The following MMUT variants were observed in gnomAD, a reference collection of about 807,000 sequenced individuals.
The protein encoded by MMUT is methylmalonyl-CoA mutase, mitochondrial.
In MMUT, 79 loss-of-function variants were observed where a neutral mutation model predicts 79.9. That is an observed-to-expected ratio of 0.99 (90% CI 0.82 to 1.19). The LOEUF (loss-of-function observed/expected upper bound fraction) is 1.19, where lower values mean the gene tolerates loss of function less well. MMUT is among the 50% of genes most tolerant of loss of function. The pLI, the probability that MMUT is intolerant of heterozygous loss-of-function variation, is 0.00. For missense variants in MMUT, 860 were observed against 917.2 expected (o/e 0.94, Z 0.81); for synonymous variants, 273 against 295.7 (o/e 0.92, Z 0.79).
At chr6:49,454,095 G>A (rs752592589) in intron 4 of MMUT, among the ~76,000 whole-genome samples, 85 of 152,278 alleles carry the variant, frequency 5.6e-4, no homozygotes, top group Non-Finnish European at 1.1e-3. Flanking sequence ...TAAGACAGGA[G>A]TCACCTATGA....
At position 49,459,319 on chromosome 6, in the gene MMUT, G is replaced by A; in HGVS notation, c.148C>T (p.Gln50Ter). Residue 50 changes from glutamine (Q) to a stop codon, truncating the protein, a stop_gained, in exon 2 of 13, where the codon CAG (glutamine) becomes TAG (stop). Coordinates refer to ENST00000274813, the MANE Select transcript of MMUT (RefSeq NM_000255.4). LOFTEE classifies it high-confidence loss of function. ...HPEWAALAKK[Q>*]LKGKNPEDLI... is the part of the protein sequence containing the mutation. The stretch of plus-strand genomic sequence containing the variant: ...TCTTCTGGGTTTTTGCCTTTCAGCT[G>A]CTTTTTAGCCAGGGCAGCCCATTCT... 6.2e-7 allele frequency: 1 copy of A among 1,614,142 alleles called. No homozygotes were observed. The highest frequency in any genetic ancestry group is 1.7e-4 in the Middle Eastern group (1 of 6,060).
chr6:49,431,518 T>G lies in MMUT; in HGVS notation c.*210A>C. 1 of 440,294 alleles carries G rather than the reference T, an allele frequency of 2.3e-6. No individual in the cohort carries two copies. The highest frequency in any genetic ancestry group is 4.1e-6 in the Non-Finnish European group (1 of 243,490). 27.3% of individuals were successfully genotyped at this position (440,294 alleles called of 1,614,324 possible). A position where few individuals can be genotyped will look rare whatever the true frequency, so the allele number is the denominator to read the frequency against. On this transcript the variant is annotated 3_prime_UTR_variant, in exon 13 of 13. Coordinates refer to ENST00000274813, the MANE Select transcript of MMUT (RefSeq NM_000255.4). ...TATTGTTATAGAGAGTATAGAGAGT[T>G]TTTAGGGATTTTTTTTTTATTTTTG...
intron 8 of MMUT, 27 bp downstream of exon 8, chr6:49,447,643 A>G: frequency 7.0e-7 from 1 of 1,428,212 alleles, no homozygotes; most frequent in Non-Finnish European, 9.8e-7. Context: ...ATACTTAAAA[A>G]AAAAAAAAAA....
intron 11 of MMUT, among the ~76,000 whole-genome samples, chr6:49,438,886 T>G (rs767125170): frequency 6.6e-6 from 1 of 152,146 alleles, no homozygotes; most frequent in Non-Finnish European, 1.5e-5. Flanking sequence ...CCCTTGAACA[T>G]TGGACTCCAA....
At chr6:49,454,838 G>T (rs1198087247) in intron 4 of MMUT, among the ~76,000 whole-genome samples, 2 of 152,136 alleles carry the variant, frequency 1.3e-5, no homozygotes, top group Non-Finnish European at 2.9e-5. Flanking sequence ...TTGAGCCCAG[G>T]AGTTTGATAC....
chr6:49,452,179 C>T (rs1449978179), intron 5 of MMUT, among the ~76,000 whole-genome samples: 13 of 152,050 alleles, frequency 8.5e-5, no homozygotes, highest in Non-Finnish European at 1.9e-4. Context: ...TTATTGCATG[C>T]CTAATTGTGA....
At chr6:49,438,044 A>G (rs949957670) in intron 11 of MMUT, among the ~76,000 whole-genome samples, 5 of 152,146 alleles carry the variant, frequency 3.3e-5, no homozygotes, top group Non-Finnish European at 7.3e-5. Context: ...AATAATTTAC[A>G]TAGTAAATTT....
chr6:49,435,651 C>A, intron 11 of MMUT, 28 bp from the exon 12 acceptor site: 2 of 1,603,032 alleles, frequency 1.2e-6, no homozygotes, highest in South Asian at 2.2e-5. Context: ...AAAGATAAAT[C>A]ATTGTTTATT....
chr6:49,457,659 A>AT, intron 3 of MMUT, 32 bp downstream of exon 3: 1 of 1,579,102 alleles, frequency 6.3e-7, no homozygotes, highest in Non-Finnish European at 8.6e-7. Context: ...TCAAGGAACT[A>AT]TAGAAAAACC....
intron 11 of MMUT, among the ~76,000 whole-genome samples, chr6:49,437,169 A>C (rs922730079): frequency 1.2e-4 from 18 of 152,208 alleles, no homozygotes; most frequent in Admixed American, 4.6e-4. Flanking sequence ...GAAACTTTTA[A>C]ATTTAATATT....
intron 4 of MMUT, among the ~76,000 whole-genome samples, chr6:49,455,571 T>C (rs763935647): frequency 2.6e-5 from 4 of 152,222 alleles, no homozygotes; most frequent in African/African-American, 9.7e-5. Flanking sequence ...GCTGTACTGA[T>C]TGAACCACCG....
chr6:49,458,895 C>T (rs1292259892), intron 2 of MMUT, among the ~76,000 whole-genome samples, 187 bp downstream of exon 2: 1 of 152,122 alleles, frequency 6.6e-6, no homozygotes, highest in Non-Finnish European at 1.5e-5. Flanking sequence ...AAAAATTTAG[C>T]ACCTTATTCT....
chr6:49,457,945 C>T lies in MMUT; in HGVS notation c.499G>A (p.Val167Met), dbSNP rs755709278. Residue 167 changes from valine to methionine, a missense_variant, in exon 3 of 13, where the codon GTG becomes ATG. Coordinates refer to ENST00000274813, the MANE Select transcript of MMUT (RefSeq NM_000255.4). ...TCAAAAAGAATTTTGGTATCTTCCA[C>T]AGTGTCAATAGCAACTCCAGCCATT... Reference protein sequence around the residue: ...VGMAGVAIDTVEDTKILFDGI... With the variant: ...VGMAGVAIDTMEDTKILFDGI... 11 of 1,612,426 alleles carry T rather than the reference C, an allele frequency of 6.8e-6. No individual in the cohort carries two copies. Among genetic ancestry groups the T allele is most frequent in the Middle Eastern group, 1.6e-4 (1 of 6,062 alleles).
At chr6:49,435,746 A>G (rs1767106073) in intron 11 of MMUT, 123 bp from the exon 12 acceptor site, 1 of 1,032,548 alleles carries the variant, frequency 9.7e-7, no homozygotes, top group African/African-American at 1.6e-5. Flanking sequence ...TTCATGATGA[A>G]GATGCCAAAA....
chr6:49,433,778 A>T (rs1422752455), intron 12 of MMUT, among the ~76,000 whole-genome samples: 1 of 152,190 alleles, frequency 6.6e-6, no homozygotes, highest in Non-Finnish European at 1.5e-5. Context: ...AAACTAAGTG[A>T]CCTTTAATTG....
At chr6:49,437,739 A>G (rs1179709237) in intron 11 of MMUT, among the ~76,000 whole-genome samples, 1 of 151,912 alleles carries the variant, frequency 6.6e-6, no homozygotes, top group Non-Finnish European at 1.5e-5. Context: ...ACATTGCCCT[A>G]GTTAAGGTCT....
intron 7 of MMUT, among the ~76,000 whole-genome samples, chr6:49,448,165 CA>C (rs919759003): frequency 6.6e-6 from 1 of 151,486 alleles, no homozygotes; most frequent in African/African-American, 2.4e-5. Context: ...CACTTTTAAA[CA>C]AAAAAAGAAC....
intron 4 of MMUT, among the ~76,000 whole-genome samples, chr6:49,454,099 C>A (rs939323736): frequency 1.1e-4 from 17 of 152,076 alleles, no homozygotes; most frequent in Non-Finnish European, 2.4e-4. Flanking sequence ...ACAGGAGTCA[C>A]CTATGAATGA....
In MMUT at chr6:49,447,688, C is replaced by T; in HGVS notation, c.1542G>A (p.Gln514=). 1 of 1,585,884 alleles carries T rather than the reference C, an allele frequency of 6.3e-7. No homozygotes were observed. The highest frequency in any genetic ancestry group is 1.1e-5 in the South Asian group (1 of 90,492). The change falls in exon 8 of 13, where the codon CAG becomes CAA. Residue 514 remains glutamine (Q), a synonymous_variant. Transcript: ENST00000274813. ...TTAATACCTTCTTAAGTTTTTCAAT[C>T]TGCCTGTTTCGCACTGAAGTATTAT... ...AIDNTSVRNR[Q]IEKLKKIKSS... is the part of the protein sequence containing the mutation.
Sources: gnomAD v4.1 joint callset for allele counts (sites outside exome capture counted in the v4.1 genomes callset) on GRCh38, gnomAD v4.1.1 for gene constraint, MANE v1.5 for transcripts, NCBI Gene and HGNC (gene_info 2026-07-23, HGNC 2026-07-21) for gene names.